Variants in CNTNAP2 observed in about 807,000 individuals in gnomAD.
CNTNAP2 encodes the protein contactin-associated protein-like 2.
In CNTNAP2, 98 loss-of-function variants were observed where a neutral mutation model predicts 155.2. The ratio of observed to expected loss-of-function variants is 0.63; its 90% CI spans 0.54 to 0.75. The LOEUF is 0.75. Ranked by LOEUF, CNTNAP2 falls within the 30% of genes least tolerant of loss-of-function variation. The pLI is 0.00. For synonymous variants in CNTNAP2, 651 were observed against 631.2 expected (o/e 1.03, Z -0.47); for missense variants, 1,727 against 1,688.1 (o/e 1.02, Z -0.40).
chr7:146,471,615 T>C (rs962499097), intron 1 of CNTNAP2, among the ~76,000 whole-genome samples: 1 of 152,264 alleles, frequency 6.6e-6, no homozygotes, highest in Admixed American at 6.5e-5. Flanking sequence ...TCTCAATTTG[T>C]GTGTGCAGAT....
chr7:147,300,383 A>G (rs560270438), intron 9 of CNTNAP2, 93 bp downstream of exon 9: 7 of 1,401,622 alleles, frequency 5.0e-6, no homozygotes, highest in Non-Finnish European at 6.9e-6. Context: ...ATTTGACTCA[A>G]CTGACTCAGT....
At chr7:146,203,797 A>G (rs1798903840) in intron 1 of CNTNAP2, among the ~76,000 whole-genome samples, 1 of 152,100 alleles carries the variant, frequency 6.6e-6, no homozygotes, top group Non-Finnish European at 1.5e-5. Context: ...TACAGAATTT[A>G]TTACTTTGAA....
At chr7:147,758,259 G>C (rs540442585) in intron 13 of CNTNAP2, among the ~76,000 whole-genome samples, 15 of 152,246 alleles carry the variant, frequency 9.9e-5, no homozygotes, top group African/African-American at 3.1e-4. Flanking sequence ...GAAAAATTGG[G>C]ACACCTGTTA....
chr7:148,088,195 A>G (rs967553782), intron 15 of CNTNAP2, among the ~76,000 whole-genome samples: 11 of 152,110 alleles, frequency 7.2e-5, no homozygotes, highest in African/African-American at 2.7e-4. Flanking sequence ...ATGAATTAGT[A>G]TAAACTATGA....
chr7:146,876,287 T>C (rs2129208326), intron 3 of CNTNAP2, among the ~76,000 whole-genome samples: 1 of 152,206 alleles, frequency 6.6e-6, no homozygotes. Flanking sequence ...CTGGCTTGTA[T>C]TTGCTGCCAA....
intron 13 of CNTNAP2, among the ~76,000 whole-genome samples, chr7:147,782,817 A>G (rs1366098185): frequency 2.0e-5 from 3 of 152,214 alleles, no homozygotes; most frequent in Admixed American, 6.5e-5. Context: ...CTTCTCAGCT[A>G]TCTACAATCA....
chr7:147,485,225 C>T (rs915806097), intron 10 of CNTNAP2, among the ~76,000 whole-genome samples: 1 of 152,126 alleles, frequency 6.6e-6, no homozygotes, highest in Admixed American at 6.5e-5. Context: ...TATCCTCAAA[C>T]CTTAAAATTA....
At chr7:147,712,657 CA>C (rs1385755009) in intron 13 of CNTNAP2, among the ~76,000 whole-genome samples, 1 of 152,134 alleles carries the variant, frequency 6.6e-6, no homozygotes, top group Non-Finnish European at 1.5e-5. Context: ...AAAAACCAAA[CA>C]CCGCATGTTC....
intron 16 of CNTNAP2, among the ~76,000 whole-genome samples, chr7:148,123,833 C>G (rs1804657817): frequency 6.6e-6 from 1 of 151,802 alleles, no homozygotes; most frequent in Admixed American, 6.6e-5. Context: ...ACCCAGAAAC[C>G]AAATGAAAAA....
intron 10 of CNTNAP2, among the ~76,000 whole-genome samples, chr7:147,469,121 C>T (rs551895159): frequency 3.1e-4 from 47 of 152,134 alleles, no homozygotes; most frequent in African/African-American, 1.1e-3. Flanking sequence ...CCGTGACAGC[C>T]AAAAACTGCC....
chr7:146,525,951 A>C (rs1797686219), intron 1 of CNTNAP2, among the ~76,000 whole-genome samples: 1 of 152,176 alleles, frequency 6.6e-6, no homozygotes, highest in Admixed American at 6.6e-5. Flanking sequence ...AGTGGATTAG[A>C]ATAACGCACA....
At chr7:146,441,389 C>A (rs541736953) in intron 1 of CNTNAP2, among the ~76,000 whole-genome samples, 1 of 151,438 alleles carries the variant, frequency 6.6e-6, no homozygotes, top group South Asian at 2.1e-4. Context: ...TCTCTCTATG[C>A]GGTATCTCCT....
chr7:146,820,947 T>C (rs2129196070), intron 2 of CNTNAP2, among the ~76,000 whole-genome samples: 1 of 152,294 alleles, frequency 6.6e-6, no homozygotes, highest in South Asian at 2.1e-4. Context: ...TTGATCTTTG[T>C]TGGTTTAAAG....
intron 1 of CNTNAP2, among the ~76,000 whole-genome samples, chr7:146,710,241 C>A (rs1801039808): frequency 6.6e-6 from 1 of 152,124 alleles, no homozygotes; most frequent in Non-Finnish European, 1.5e-5. Context: ...ACCAGTCAAT[C>A]CTGGAATATG....
intron 13 of CNTNAP2, among the ~76,000 whole-genome samples, chr7:147,645,805 A>C (rs940489019): frequency 1.3e-5 from 2 of 152,218 alleles, no homozygotes; most frequent in Admixed American, 6.5e-5. Context: ...ATTCTGGGTT[A>C]GCGATGTCAG....
At chr7:147,219,728 C>A (rs1011409446) in intron 8 of CNTNAP2, among the ~76,000 whole-genome samples, 1 of 152,160 alleles carries the variant, frequency 6.6e-6, no homozygotes, top group East Asian at 1.9e-4. Context: ...ATCACATTTA[C>A]ATAATAATGG....
chr7:146,254,129 G>GCACACACA (rs3050025), intron 1 of CNTNAP2, among the ~76,000 whole-genome samples: 24 of 144,976 alleles, frequency 1.7e-4, no homozygotes, highest in African/African-American at 5.7e-4. Context: ...ATTGCTACTT[G>GCACACACA]CACACACACA....
At chr7:146,928,965 C>A (rs576750528) in intron 3 of CNTNAP2, among the ~76,000 whole-genome samples, 8 of 151,888 alleles carry the variant, frequency 5.3e-5, no homozygotes, top group African/African-American at 1.7e-4. Context: ...CACCACAGCT[C>A]AAGGAGGCCT....
intron 10 of CNTNAP2, among the ~76,000 whole-genome samples, chr7:147,417,068 G>A (rs35894927): frequency 0.19 from 27,799 of 145,566 alleles, 3,086 homozygotes; most frequent in Non-Finnish European, 0.25. Flanking sequence ...CAGCCTAAGC[G>A]ACAGAGCAAG....
Sources: allele counts gnomAD v4.1 joint callset (sites outside exome capture counted in the v4.1 genomes callset), GRCh38; gene constraint gnomAD v4.1.1; transcripts MANE v1.5; gene names NCBI Gene and HGNC (gene_info 2026-07-23, HGNC 2026-07-21).